The following FBXL17 variants were observed in gnomAD, a reference collection of about 807,000 sequenced individuals.
FBXL17 encodes the protein F-box/LRR-repeat protein 17.
Under a neutral mutation model 66.2 loss-of-function variants are expected in FBXL17, and 22 were observed. The observed-to-expected ratio is 0.33, with a 90% CI of 0.24 to 0.47. FBXL17 has a LOEUF of 0.47. FBXL17 is among the 20% of genes least tolerant of loss of function. FBXL17 has a pLI of 1.00. For synonymous variants in FBXL17, 474 were observed against 400.5 expected (o/e 1.18, Z -2.19); for missense variants, 878 against 948.2 (o/e 0.93, Z 0.97).
intron 6 of FBXL17, among the ~76,000 whole-genome samples, chr5:108,105,305 G>A (rs1749755839): frequency 6.6e-6 from 1 of 152,216 alleles, no homozygotes; most frequent in East Asian, 1.9e-4. Flanking sequence ...GTGGCACAAA[G>A]AGGGAAAAAC....
At chr5:108,167,838 G>T (rs1752467147) in intron 6 of FBXL17, among the ~76,000 whole-genome samples, 1 of 152,088 alleles carries the variant, frequency 6.6e-6, no homozygotes, top group Non-Finnish European at 1.5e-5. Flanking sequence ...AAAGTAGACA[G>T]ATCACAGCTT....
At chr5:108,026,838 T>C (rs889276972) in intron 6 of FBXL17, among the ~76,000 whole-genome samples, 2 of 152,204 alleles carry the variant, frequency 1.3e-5, no homozygotes, top group African/African-American at 4.8e-5. Flanking sequence ...AAGCAGTGTT[T>C]TGTTATTTAT....
chr5:108,371,192 C>T (rs891397359), intron 1 of FBXL17, among the ~76,000 whole-genome samples: 3 of 152,174 alleles, frequency 2.0e-5, no homozygotes, highest in East Asian at 3.8e-4. Context: ...CCAAATGCTA[C>T]GTCAGTAGCA....
intron 6 of FBXL17, among the ~76,000 whole-genome samples, chr5:108,046,570 T>C (rs995729167): frequency 2.6e-5 from 4 of 152,326 alleles, no homozygotes; most frequent in African/African-American, 4.8e-5. Context: ...TTTTTTAGAA[T>C]TGTATCTTGT....
intron 5 of FBXL17, among the ~76,000 whole-genome samples, chr5:108,216,633 T>A (rs2150067154): frequency 6.6e-6 from 1 of 152,258 alleles, no homozygotes; most frequent in Non-Finnish European, 1.5e-5. Context: ...AATTAATATA[T>A]GCCTTACCTC....
At chr5:108,001,178 T>C (rs1170591373) in intron 7 of FBXL17, among the ~76,000 whole-genome samples, 1 of 152,208 alleles carries the variant, frequency 6.6e-6, no homozygotes, top group African/African-American at 2.4e-5. Context: ...GTAATTTATA[T>C]ATATACATAC....
At chr5:107,882,748 GA>G (rs1748834422) in intron 7 of FBXL17, among the ~76,000 whole-genome samples, 1 of 152,132 alleles carries the variant, frequency 6.6e-6, no homozygotes, top group Non-Finnish European at 1.5e-5. Context: ...GATCTGCTAA[GA>G]AAAATGAAGT....
At chr5:108,062,441 C>A (rs1481843739) in intron 6 of FBXL17, among the ~76,000 whole-genome samples, 21 of 151,896 alleles carry the variant, frequency 1.4e-4, no homozygotes, top group African/African-American at 4.4e-4. Flanking sequence ...TTAAAAAGAA[C>A]ACAAAACTTT....
intron 6 of FBXL17, among the ~76,000 whole-genome samples, chr5:108,089,538 T>C (rs1377363753): frequency 1.3e-5 from 2 of 152,216 alleles, no homozygotes; most frequent in African/African-American, 4.8e-5. Flanking sequence ...AAGATCCTCA[T>C]GGTCCTCTGA....
intron 7 of FBXL17, among the ~76,000 whole-genome samples, chr5:107,954,010 T>C (rs1052825261): frequency 3.3e-5 from 5 of 152,246 alleles, no homozygotes; most frequent in African/African-American, 1.2e-4. Flanking sequence ...GATAAGTTTA[T>C]GATTAGTAGG....
chr5:108,123,091 T>C (rs1750566493), intron 6 of FBXL17, among the ~76,000 whole-genome samples: 1 of 150,888 alleles, frequency 6.6e-6, no homozygotes, highest in African/African-American at 2.4e-5. Flanking sequence ...CTAGATCTTT[T>C]AGGAAAAGTT....
chr5:107,995,746 A>T (rs987513115), intron 7 of FBXL17, among the ~76,000 whole-genome samples: 2 of 118,398 alleles, frequency 1.7e-5, no homozygotes, highest in Non-Finnish European at 4.0e-5. Flanking sequence ...ACATTAAATA[A>T]ATTAAATAAG....
intron 6 of FBXL17, among the ~76,000 whole-genome samples, chr5:108,068,578 CCT>C (rs911525065): frequency 2.0e-5 from 3 of 152,052 alleles, no homozygotes; most frequent in Non-Finnish European, 2.9e-5. Flanking sequence ...ACCTCAGCCC[CCT>C]GAGTAGCTGG....
Position 108,141,962 on chromosome 5 carries a change from C to A in FBXL17, c.1745+44155G>T, listed in dbSNP as rs181929655. 1.9e-4 allele frequency among the ~76,000 whole-genome samples: 29 copies of A among 152,304 alleles called. 1 individual carries two copies. The East Asian group carries it at 2.7e-3, about 14-fold the overall frequency. On this transcript the variant is annotated intron_variant, in intron 6 of 8. Coordinates refer to ENST00000542267, the MANE Select transcript of FBXL17 (RefSeq NM_001163315.3). ...GATATACTTCCAGCAGAGCTCAATA[C>A]GTTTGACTCACTCTCTGTGTTTTAA...
intron 6 of FBXL17, among the ~76,000 whole-genome samples, chr5:108,027,387 T>A (rs933308117): frequency 6.6e-6 from 1 of 152,190 alleles, no homozygotes; most frequent in African/African-American, 2.4e-5. Flanking sequence ...TCTTGCTTTT[T>A]AATTTTAGCC....
chr5:107,982,866 A>G (rs1752877814), intron 7 of FBXL17, among the ~76,000 whole-genome samples: 1 of 152,136 alleles, frequency 6.6e-6, no homozygotes. Flanking sequence ...AGTGGTTTCC[A>G]TGTTTCCTGG....
intron 6 of FBXL17, among the ~76,000 whole-genome samples, chr5:108,149,667 C>T (rs1361660477): frequency 6.6e-6 from 1 of 152,208 alleles, no homozygotes; most frequent in Admixed American, 6.5e-5. Context: ...AATCTTGGTA[C>T]TCTTAGTAAG....
chr5:107,939,028 C>T (rs1295655793), intron 7 of FBXL17, among the ~76,000 whole-genome samples: 3 of 151,970 alleles, frequency 2.0e-5, no homozygotes, highest in Admixed American at 6.6e-5. Flanking sequence ...TAGAATTTAG[C>T]GTGAATTTTA....
intron 8 of FBXL17, chr5:107,880,671 A>T: frequency 8.2e-7 from 1 of 1,215,466 alleles, no homozygotes; most frequent in South Asian, 3.3e-5. Flanking sequence ...GTTGCTGGAA[A>T]CTTGAAACCC....
Sources: gnomAD v4.1 joint callset for allele counts (sites outside exome capture counted in the v4.1 genomes callset) on GRCh38, gnomAD v4.1.1 for gene constraint, MANE v1.5 for transcripts, NCBI Gene and HGNC (gene_info 2026-07-23, HGNC 2026-07-21) for gene names.